CES5A: variants seen among roughly 807,000 people sequenced by gnomAD.
CES5A encodes carboxylesterase 5A, also known as carboxylesterase 5.
CES5A carries 67 observed loss-of-function variants against 62.9 expected under a neutral mutation model. The observed-to-expected ratio is 1.07, with a 90% CI of 0.88 to 1.31. CES5A has a LOEUF of 1.31. Among genes scored for constraint, CES5A ranks in the 50% most tolerant of loss-of-function variants. CES5A has a pLI of 0.00. For synonymous variants in CES5A, 296 were observed against 280.8 expected (o/e 1.05, Z -0.54); for missense variants, 748 against 708.5 (o/e 1.06, Z -0.63).
intron 2 of CES5A, among the ~76,000 whole-genome samples, chr16:55,933,885 T>C (rs1290458830): frequency 6.6e-6 from 1 of 152,130 alleles, no homozygotes; most frequent in Non-Finnish European, 1.5e-5. Flanking sequence ...GCCTACATAC[T>C]ATGACCTCTC....
At chr16:55,919,581 C>T (rs1156785065) in intron 1 of CES5A, among the ~76,000 whole-genome samples, 1 of 152,284 alleles carries the variant, frequency 6.6e-6, no homozygotes, top group East Asian at 1.9e-4. Flanking sequence ...GCTTTCTACC[C>T]TTGTTCAAAG....
In CES5A at chr16:55,933,142, G is replaced by C. The variant is rs374276191; in HGVS notation, c.160+16643C>G. ...TGGCCTTCAAGGCCTATCAGGGAAA[G>C]AGAGAGATGAAGGAGGCACGTCATG... is the stretch of plus-strand genomic sequence containing the variant. On this transcript the variant is annotated intron_variant, in intron 2 of 13. Transcript: ENST00000521992. Among the ~76,000 whole-genome samples, 532 of 152,318 alleles carry C rather than the reference G, an allele frequency of 3.5e-3. 3 individuals carry two copies. The highest frequency in any genetic ancestry group is 0.011 in the African/African-American group (443 of 41,574).
chr16:55,874,783 CG>C (rs1429541237), intron 1 of CES5A, among the ~76,000 whole-genome samples: 2 of 152,128 alleles, frequency 1.3e-5, no homozygotes, highest in East Asian at 1.9e-4. Context: ...TAGCAAAACC[CG>C]GGTGTCTTAG....
At chr16:55,913,390 G>A (rs1456943970) in intron 1 of CES5A, among the ~76,000 whole-genome samples, 2 of 152,158 alleles carry the variant, frequency 1.3e-5, no homozygotes, top group South Asian at 2.1e-4. Flanking sequence ...TCATCCCCAG[G>A]AGCAATTTGG....
At chr16:55,877,008 C>T (rs139529906), upstream of CES5A, among the ~76,000 whole-genome samples, 154 of 152,222 alleles carry the variant, frequency 1.0e-3, 2 homozygotes, top group African/African-American at 3.6e-3. Context: ...AATCAGTGGG[C>T]TTTGATCAAG....
chr16:55,864,702 C>G (rs1422311978), intron 5 of CES5A, among the ~76,000 whole-genome samples: 3 of 151,834 alleles, frequency 2.0e-5, no homozygotes, highest in Admixed American at 1.3e-4. Context: ...CAAGACCATC[C>G]TGGGCAATAT....
chr16:55,884,411 T>A (rs1226534954), intron 1 of CES5A, among the ~76,000 whole-genome samples: 1 of 152,220 alleles, frequency 6.6e-6, no homozygotes, highest in East Asian at 1.9e-4. Context: ...GCCTTGGTGA[T>A]CATTAAAGTA....
In CES5A at chr16:55,921,352, C is replaced by T. The variant is rs149311080; in HGVS notation, c.-256+3971G>A. The stretch of plus-strand genomic sequence containing the variant: ...AAAGGTCAAGGACAAAGAGAAGATC[C>T]TAAAAACAACAAGAGAAAAGAAGTA... On this transcript the variant is annotated intron_variant, in intron 1 of 12. Coordinates refer to the CES5A transcript ENST00000518005. Among the ~76,000 whole-genome samples the T allele has an allele frequency of 3.9e-3, 590 of 151,932 alleles. 5 individuals carry two copies. Among genetic ancestry groups the T allele is most frequent in the African/African-American group, 0.013 (540 of 41,440 alleles).
At chr16:55,880,557 G>A (rs1162195856) in intron 1 of CES5A, among the ~76,000 whole-genome samples, 4 of 152,070 alleles carry the variant, frequency 2.6e-5, no homozygotes, top group African/African-American at 4.8e-5. Context: ...CAAGTCAGTC[G>A]GTATGAGAAG....
chr16:55,947,892 T>C, intron 2 of CES5A, among the ~76,000 whole-genome samples: 1 of 150,788 alleles, frequency 6.6e-6, no homozygotes, highest in East Asian at 1.9e-4. Flanking sequence ...ATGGAAGGGC[T>C]GGGAGTTTTG....
rs1406964245 is a variant in CES5A at position 55,846,782 on chromosome 16, G to A, written c.1482C>T (p.Thr494=). Residue 494 remains threonine (T), a synonymous_variant, in exon 12 of 13, where the codon ACC becomes ACT. Coordinates refer to ENST00000290567, the MANE Select transcript of CES5A (RefSeq NM_001143685.2). ...GGTTTACTTACCCGGTTCGAGCAAA[G>A]GTAGCCCAGTATTTCATCATCTTCC... ...LSRKMMKYWA[T]FARTGNPNGN... 6.2e-7 allele frequency: 1 copy of A among 1,614,022 alleles called. No individual in the cohort carries two copies. Among genetic ancestry groups the A allele is most frequent in the African/African-American group, 1.3e-5 (1 of 74,908 alleles).
At chr16:55,869,523 C>T (rs150572284) in intron 4 of CES5A, 88 bp downstream of exon 4, 21,392 of 1,470,428 alleles carry the variant, frequency 0.015, 188 homozygotes, top group South Asian at 0.021. Context: ...GGAAGGCTCG[C>T]TCCTTCTTAG....
upstream of CES5A, among the ~76,000 whole-genome samples, chr16:55,876,182 A>C (rs192507041): frequency 5.9e-5 from 9 of 152,322 alleles, no homozygotes; most frequent in East Asian, 1.7e-3. Context: ...GTGGCTTCCC[A>C]AAGCTCAGCC....
At chr16:55,924,683 A>G (rs1355709036) in intron 1 of CES5A, among the ~76,000 whole-genome samples, 2 of 152,222 alleles carry the variant, frequency 1.3e-5, no homozygotes, top group East Asian at 1.9e-4. Flanking sequence ...TTTCAAAGCA[A>G]TTGTAACTAA....
intron 1 of CES5A, among the ~76,000 whole-genome samples, chr16:55,921,604 A>G (rs2142459836): frequency 6.6e-6 from 1 of 151,466 alleles, no homozygotes; most frequent in South Asian, 2.1e-4. Context: ...CCATCAGACA[A>G]GAAGTGCTAA....
chr16:55,915,905 T>C (rs1197158166), intron 1 of CES5A, among the ~76,000 whole-genome samples: 2 of 152,188 alleles, frequency 1.3e-5, no homozygotes, highest in African/African-American at 4.8e-5. Flanking sequence ...ACAAAGAAAC[T>C]ATCTTAACAT....
In CES5A at chr16:55,867,401, A is replaced by G. The variant is rs75619812; in HGVS notation, c.552-1285T>C. On this transcript the variant is annotated intron_variant, in intron 4 of 12. Coordinates refer to ENST00000290567, the MANE Select transcript of CES5A (RefSeq NM_001143685.2). Reference sequence around the variant, plus strand: ...AACAAATGAAACAAGTGGAAATGCCATAGAACCAAAGAAATGTCTAGACCG... The same window carrying G: ...AACAAATGAAACAAGTGGAAATGCCGTAGAACCAAAGAAATGTCTAGACCG... 7.3e-3 allele frequency among the ~76,000 whole-genome samples: 1,108 copies of G among 152,350 alleles called. 5 individuals are homozygous for G. The highest frequency in any genetic ancestry group is 0.025 in the African/African-American group (1,058 of 41,576).
intron 1 of CES5A, among the ~76,000 whole-genome samples, chr16:55,950,888 G>A (rs2034548544): frequency 6.6e-6 from 1 of 151,682 alleles, no homozygotes; most frequent in Non-Finnish European, 1.5e-5. Context: ...GGATCACGAG[G>A]ACAGGAGATC....
At chr16:55,947,248 A>C (rs576582029) in intron 2 of CES5A, among the ~76,000 whole-genome samples, 6 of 152,322 alleles carry the variant, frequency 3.9e-5, no homozygotes, top group African/African-American at 1.2e-4. Context: ...CAGATGGAGA[A>C]GAGACACTGA....
Sources: allele counts gnomAD v4.1 joint callset (sites outside exome capture counted in the v4.1 genomes callset), GRCh38; gene constraint gnomAD v4.1.1; transcripts MANE v1.5; gene names NCBI Gene and HGNC (gene_info 2026-07-23, HGNC 2026-07-21).